Variants in DCC observed in about 807,000 individuals in gnomAD.
The protein encoded by DCC is netrin receptor DCC.
In DCC, 58 loss-of-function variants were observed where a neutral mutation model predicts 172.5. The ratio of observed to expected loss-of-function variants is 0.34; its 90% CI spans 0.27 to 0.42. The LOEUF is 0.42. DCC is among the 10% of genes least tolerant of loss of function. The probability of loss-of-function intolerance (pLI) is 1.00; values close to 1 mark genes in which losing one functional copy is unlikely to be tolerated. For missense variants in DCC, 1,740 were observed against 1,791.0 expected (o/e 0.97, Z 0.51); for synonymous variants, 709 against 644.5 (o/e 1.10, Z -1.52).
intron 1 of DCC, among the ~76,000 whole-genome samples, chr18:52,482,431 ATG>A (rs919524337): frequency 5.9e-5 from 9 of 152,304 alleles, no homozygotes; most frequent in African/African-American, 2.2e-4. Flanking sequence ...CAAATACTAT[ATG>A]GTGTAAACAA....
At chr18:52,500,576 TTGG>T (rs1457582006) in intron 1 of DCC, among the ~76,000 whole-genome samples, 1 of 152,158 alleles carries the variant, frequency 6.6e-6, no homozygotes, top group African/African-American at 2.4e-5. Flanking sequence ...GCCCTCTAGA[TTGG>T]TGTCTTGGAT....
intron 1 of DCC, among the ~76,000 whole-genome samples, chr18:52,700,184 A>ATG (rs1555649481): frequency 7.0e-6 from 1 of 143,882 alleles, no homozygotes; most frequent in Middle Eastern, 3.9e-3. Flanking sequence ...ACACATGCAC[A>ATG]CGCACACACA....
At chr18:52,863,355 T>G (rs1030926811) in intron 2 of DCC, among the ~76,000 whole-genome samples, 8 of 151,868 alleles carry the variant, frequency 5.3e-5, no homozygotes, top group African/African-American at 1.9e-4. Context: ...AAATAAGTAA[T>G]TTTAACTGTC....
chr18:53,437,739 G>A (rs1291080336), intron 22 of DCC, among the ~76,000 whole-genome samples: 2 of 152,056 alleles, frequency 1.3e-5, no homozygotes, highest in Non-Finnish European at 2.9e-5. Context: ...TCACTCTCGT[G>A]CTCCAAATTT....
At chr18:52,344,321 G>A (rs776543695) in intron 1 of DCC, among the ~76,000 whole-genome samples, 10 of 152,156 alleles carry the variant, frequency 6.6e-5, no homozygotes, top group Admixed American at 6.5e-5. Context: ...TGGGAAGCTT[G>A]ACAAGATATA....
intron 1 of DCC, among the ~76,000 whole-genome samples, chr18:52,658,500 C>G (rs1747406377): frequency 6.6e-6 from 1 of 152,006 alleles, no homozygotes; most frequent in Non-Finnish European, 1.5e-5. Context: ...CACTTAGAGG[C>G]AAAATATTTT....
At chr18:53,527,972 C>T (rs2046478368) in intron 28 of DCC, among the ~76,000 whole-genome samples, 1 of 152,088 alleles carries the variant, frequency 6.6e-6, no homozygotes, top group Admixed American at 6.6e-5. Context: ...ATCTGCCACC[C>T]TTCCAACTAG....
intron 8 of DCC, among the ~76,000 whole-genome samples, chr18:53,159,832 T>A (rs2054806181): frequency 6.6e-6 from 1 of 152,072 alleles, no homozygotes; most frequent in Admixed American, 6.5e-5. Context: ...ACTTTTTTGG[T>A]AAAAGGAATA....
intron 12 of DCC, among the ~76,000 whole-genome samples, chr18:53,262,817 A>G (rs533926935): frequency 1.3e-5 from 2 of 152,368 alleles, no homozygotes; most frequent in South Asian, 4.1e-4. Flanking sequence ...AAATTCATTT[A>G]TCTGCCAGCT....
At chr18:53,377,812 A>G (rs530534310) in intron 15 of DCC, among the ~76,000 whole-genome samples, 33 of 152,306 alleles carry the variant, frequency 2.2e-4, no homozygotes, top group Non-Finnish European at 4.1e-4. Flanking sequence ...TCTAATATGC[A>G]TGACGCATCC....
intron 1 of DCC, among the ~76,000 whole-genome samples, chr18:52,514,764 G>T (rs113102997): frequency 2.6e-5 from 4 of 152,344 alleles, no homozygotes; most frequent in South Asian, 2.1e-4. Flanking sequence ...GAAATGAGAA[G>T]ATCAAAGCTA....
intron 1 of DCC, among the ~76,000 whole-genome samples, chr18:52,541,941 A>G (rs1321981190): frequency 6.9e-6 from 1 of 144,244 alleles, no homozygotes; most frequent in African/African-American, 2.5e-5. Context: ...CAAAAGACTT[A>G]GACTATATAA....
chr18:52,986,821 C>A (rs989434095), intron 5 of DCC, among the ~76,000 whole-genome samples: 3 of 133,560 alleles, frequency 2.2e-5, no homozygotes, highest in Admixed American at 7.3e-5. Context: ...TATATACACA[C>A]ACACACATAT....
At chr18:53,261,914 G>A (rs1196845496) in intron 12 of DCC, among the ~76,000 whole-genome samples, 2 of 152,172 alleles carry the variant, frequency 1.3e-5, no homozygotes, top group Non-Finnish European at 2.9e-5. Flanking sequence ...CAGCACCTGG[G>A]AACGTTTCTC....
At chr18:52,856,351 C>G (rs530867779) in intron 2 of DCC, among the ~76,000 whole-genome samples, 1 of 151,674 alleles carries the variant, frequency 6.6e-6, no homozygotes, top group East Asian at 2.0e-4. Flanking sequence ...CAAGGCCGGG[C>G]GCGGTGGCTC....
chr18:52,927,076 T>TGTGTATATATAC (rs1555682795), intron 5 of DCC, among the ~76,000 whole-genome samples: 1 of 66,568 alleles, frequency 1.5e-5, no homozygotes, highest in African/African-American at 5.7e-5. Flanking sequence ...CACACATATA[T>TGTGTATATATAC]GTGTATATAC....
In DCC at chr18:52,561,421, ATGTT is replaced by A. The variant is rs567394298; in HGVS notation, c.92-190629_92-190626del. 1.9e-3 allele frequency among the ~76,000 whole-genome samples: 294 copies of A among 151,966 alleles called. 2 individuals are homozygous for A. Among genetic ancestry groups the A allele is most frequent in the African/African-American group, 6.9e-3 (286 of 41,494 alleles). On this transcript the variant is annotated intron_variant, in intron 1 of 28. Transcript: ENST00000442544. ...CATATATAAATATATACATATATAT[ATGTT>A]TGTGTGTGTATGTCTATGTGCTACA...
intron 7 of DCC, among the ~76,000 whole-genome samples, chr18:53,107,666 T>C (rs2043271120): frequency 6.6e-6 from 1 of 151,794 alleles, no homozygotes; most frequent in Non-Finnish European, 1.5e-5. Flanking sequence ...GAAATTAAAC[T>C]GTTCATAGGT....
At chr18:52,931,576 A>G (rs549412852) in intron 5 of DCC, among the ~76,000 whole-genome samples, 2 of 152,244 alleles carry the variant, frequency 1.3e-5, no homozygotes, top group South Asian at 4.1e-4. Flanking sequence ...GTAATTTTAC[A>G]GAGTGAATAT....
Sources: gnomAD v4.1 joint callset for allele counts (sites outside exome capture counted in the v4.1 genomes callset) on GRCh38, gnomAD v4.1.1 for gene constraint, MANE v1.5 for transcripts, NCBI Gene and HGNC (gene_info 2026-07-23, HGNC 2026-07-21) for gene names.